Variants in IFIT1 observed in about 807,000 individuals in gnomAD.
IFIT1 encodes interferon induced protein with tetratricopeptide repeats 1.
IFIT1 carries 1 observed loss-of-function variant against 2.5 expected under a neutral mutation model. That is an observed-to-expected ratio of 0.40 (90% confidence interval 0.14 to 1.92). The LOEUF (loss-of-function observed/expected upper bound fraction) is 1.92. Ranked by LOEUF, IFIT1 falls within the 40% of genes most tolerant of loss-of-function variation. The pLI is 0.31. For synonymous variants in IFIT1, 191 were observed against 201.7 expected, an observed-to-expected ratio of 0.95 and a Z score of 0.45; for missense variants, 508 against 557.8, an observed-to-expected ratio of 0.91 and a Z score of 0.90.
Position 89,403,451 on chromosome 10 carries a change from G to A in IFIT1, c.1176G>A (p.Lys392=), listed in dbSNP as rs1368018489. 2 of 1,613,644 alleles carry A rather than the reference G, an allele frequency of 1.2e-6. No homozygotes were observed. The highest frequency in any genetic ancestry group is 8.5e-7 in the Non-Finnish European group (1 of 1,179,818). ...ATGGTCGGTTTCAGGAATTTCAAAA[G>A]AAATCTGACGTCAATGCAATTATCC... The part of the protein sequence containing the change: ...FHYGRFQEFQ[K]KSDVNAIIHY... Residue 392 remains lysine (K), a synonymous_variant, in exon 2 of 2, where the codon AAG becomes AAA. Transcript: ENST00000371804.
rs1273258507 is a variant in IFIT1 at position 89,406,318 on chromosome 10, A to G, written c.*2606A>G. 1 of 140,020 alleles carries G rather than the reference A, an allele frequency of 7.1e-6. No homozygotes were observed. Among genetic ancestry groups the G allele is most frequent in the African/African-American group, 3.3e-5 (1 of 29,992 alleles). The allele number at this position is 140,020 out of a possible 1,614,324, so 8.7% of individuals were successfully genotyped here. A position where few individuals can be genotyped will look rare whatever the true frequency, so the allele number is the denominator to read the frequency against. ...AATGGACCAGTCAACACTCTGTAAA[A>G]TGGACCAATCAGCTCTCTGTAAAAT... On this transcript the variant is annotated 3_prime_UTR_variant, in exon 2 of 2. Transcript: ENST00000371804.
Position 89,402,828 on chromosome 10 carries a change from G to A in IFIT1, c.553G>A (p.Ala185Thr). Reference protein sequence around the residue: ...PESSAGYAISAYRLDGFKLAT... With the variant: ...PESSAGYAISTYRLDGFKLAT... ...ATCCAGCGCTGGGTATGCGATCTCT[G>A]CCTATCGCCTGGATGGCTTTAAATT... The change falls in exon 2 of 2, where the codon GCC becomes ACC. Residue 185 changes from alanine to threonine, a missense_variant. By Grantham distance (58) the Ala-to-Thr change is moderately conservative. Coordinates refer to ENST00000371804, the MANE Select transcript of IFIT1 (RefSeq NM_001548.5). 1 of 1,614,190 alleles carries A rather than the reference G, an allele frequency of 6.2e-7. No individual in the cohort carries two copies. The highest frequency in any genetic ancestry group is 8.5e-7 in the Non-Finnish European group (1 of 1,180,036).
At chr10:89,393,348 C>T in intron 1 of IFIT1, 2 of 1,231,348 alleles carry the variant, frequency 1.6e-6, no homozygotes, top group Non-Finnish European at 2.1e-6. Flanking sequence ...CTTGGTACGT[C>T]CTTGACTGAA....
Position 89,403,586 on chromosome 10 carries a change from G to A in IFIT1, c.1311G>A (p.Leu437=). 1 of 1,614,036 alleles carries A rather than the reference G, an allele frequency of 6.2e-7. No homozygotes were observed. The highest frequency in any genetic ancestry group is 8.5e-7 in the Non-Finnish European group (1 of 1,179,918). ...LRKLRRKALD[L]ESLSLLGFVY... ...AACTTCGGAGAAAGGCATTAGATCT[G>A]GAAAGCTTGAGCCTCCTTGGGTTCG... Residue 437 remains leucine (L), a synonymous_variant, in exon 2 of 2, where the codon CTG becomes CTA. Transcript: ENST00000371804.
rs142187620 is a variant in IFIT1 at position 89,401,998 on chromosome 10, C to A, written c.6-283C>A. 6.7e-3 allele frequency among the ~76,000 whole-genome samples: 1,026 copies of A among 152,218 alleles called. 10 individuals are homozygous for A. The highest frequency in any genetic ancestry group is 0.022 in the African/African-American group (900 of 41,518). On this transcript the variant is annotated intron_variant, in intron 1 of 1. Coordinates refer to ENST00000371804, the MANE Select transcript of IFIT1 (RefSeq NM_001548.5). The stretch of plus-strand genomic sequence containing the variant: ...GCTTGACACATATAAGTTTATTAAT[C>A]CTCACCAAACCCAGTGTGATAAATA...
chr10:89,401,802 AC>A (rs1331642704), intron 1 of IFIT1, among the ~76,000 whole-genome samples: 1 of 135,690 alleles, frequency 7.4e-6, no homozygotes, highest in Non-Finnish European at 1.6e-5. Flanking sequence ...AAAAAAAAAA[AC>A]CCGGGTCAAA....
At chr10:89,396,730 T>A (rs1844349932) in intron 1 of IFIT1, among the ~76,000 whole-genome samples, 1 of 152,228 alleles carries the variant, frequency 6.6e-6, no homozygotes, top group Non-Finnish European at 1.5e-5. Context: ...TGTCAATACT[T>A]GTTCACCTAT....
chr10:89,398,458 C>T (rs1000752167), intron 1 of IFIT1, among the ~76,000 whole-genome samples: 1 of 152,190 alleles, frequency 6.6e-6, no homozygotes. Flanking sequence ...TAGAGCCAGG[C>T]AGTCACCTAG....
chr10:89,397,559 A>G (rs1844362532), intron 1 of IFIT1, among the ~76,000 whole-genome samples: 1 of 152,116 alleles, frequency 6.6e-6, no homozygotes, highest in Non-Finnish European at 1.5e-5. Context: ...TTCTTTTTAT[A>G]GAGACAGGGT....
At chr10:89,401,313 G>C (rs1038095518) in intron 1 of IFIT1, among the ~76,000 whole-genome samples, 3 of 151,914 alleles carry the variant, frequency 2.0e-5, no homozygotes, top group Non-Finnish European at 2.9e-5. Context: ...GTAGAGACAG[G>C]ATTTCACCAT....
chr10:89,402,884 G>A lies in IFIT1; in HGVS notation c.609G>A (p.Leu203=). ...LATKNHKPFS[L]LPLRQAVRLN... is the part of the protein sequence containing the mutation. ...CAAAAAATCACAAGCCATTTTCTTTGCTTCCCCTAAGGCAGGCTGTCCGCT... is the reference window on the plus strand; with the variant it reads ...CAAAAAATCACAAGCCATTTTCTTTACTTCCCCTAAGGCAGGCTGTCCGCT... The change falls in exon 2 of 2, where the codon TTG becomes TTA. Residue 203 remains leucine (L), a synonymous_variant. Transcript: ENST00000371804. 1 of 1,614,170 alleles carries A rather than the reference G, an allele frequency of 6.2e-7. No homozygotes were observed. The highest frequency in any genetic ancestry group is 8.5e-7 in the Non-Finnish European group (1 of 1,180,040).
chr10:89,397,834 G>A (rs551690141), intron 1 of IFIT1, among the ~76,000 whole-genome samples: 8 of 151,998 alleles, frequency 5.3e-5, no homozygotes, highest in Non-Finnish European at 1.0e-4. Context: ...CATTTTCCAC[G>A]TTTTTGTTAT....
At chr10:89,396,013 G>T (rs1190514285) in intron 1 of IFIT1, among the ~76,000 whole-genome samples, 1 of 151,796 alleles carries the variant, frequency 6.6e-6, no homozygotes, top group Non-Finnish European at 1.5e-5. Flanking sequence ...CCATTTTTTG[G>T]CCATTATGAA....
intron 1 of IFIT1, among the ~76,000 whole-genome samples, chr10:89,397,674 C>A (rs1435553775): frequency 7.4e-6 from 1 of 134,984 alleles, no homozygotes; most frequent in East Asian, 2.8e-4. Flanking sequence ...TTGTCTTGAT[C>A]CAGAGCATTT....
chr10:89,396,380 C>T (rs1204916709), intron 1 of IFIT1, among the ~76,000 whole-genome samples: 3 of 152,196 alleles, frequency 2.0e-5, no homozygotes, highest in African/African-American at 7.2e-5. Flanking sequence ...ATGGTGCTGG[C>T]ATCTTCTCAG....
At chr10:89,397,253 G>C (rs1051924317) in intron 1 of IFIT1, among the ~76,000 whole-genome samples, 3 of 151,824 alleles carry the variant, frequency 2.0e-5, no homozygotes, top group African/African-American at 7.3e-5. Flanking sequence ...CTTATGTACT[G>C]GTTATTTTTT....
chr10:89,403,450 A>G lies in IFIT1; in HGVS notation c.1175A>G (p.Lys392Arg). The change falls in exon 2 of 2, where the codon AAG (lysine) becomes AGG (arginine). Residue 392 changes from lysine (K) to arginine (R), a missense_variant. By Grantham distance (26) the Lys-to-Arg change is conservative. Transcript: ENST00000371804. ...FHYGRFQEFQ[K>R]KSDVNAIIHY... is the part of the protein sequence containing the mutation. Reference sequence around the variant, plus strand: ...TATGGTCGGTTTCAGGAATTTCAAAAGAAATCTGACGTCAATGCAATTATC... The same window carrying G: ...TATGGTCGGTTTCAGGAATTTCAAAGGAAATCTGACGTCAATGCAATTATC... 6.2e-7 allele frequency: 1 copy of G among 1,613,874 alleles called. No individual in the cohort carries two copies.
At chr10:89,401,722 C>T (rs767508421) in intron 1 of IFIT1, among the ~76,000 whole-genome samples, 15 of 151,350 alleles carry the variant, frequency 9.9e-5, no homozygotes, top group Non-Finnish European at 4.4e-5. Context: ...GTGAAGGATA[C>T]ACTGGATCTC....
At chr10:89,394,918 CA>C (rs1467050265) in intron 1 of IFIT1, among the ~76,000 whole-genome samples, 1 of 151,874 alleles carries the variant, frequency 6.6e-6, no homozygotes, top group African/African-American at 2.4e-5. Flanking sequence ...GTGGGTATTT[CA>C]TATAAATGGA....
Sources: gnomAD v4.1 joint callset for allele counts (sites outside exome capture counted in the v4.1 genomes callset) on GRCh38, gnomAD v4.1.1 for gene constraint, MANE v1.5 for transcripts, NCBI Gene and HGNC (gene_info 2026-07-23, HGNC 2026-07-21) for gene names.